The following FOXD4L1 variants were observed in gnomAD, a reference collection of about 807,000 sequenced individuals.
FOXD4L1 encodes the protein forkhead box D4 like 1, also known as forkhead box protein D4-like 1.
FOXD4L1 carries 10 observed loss-of-function variants against 24.8 expected under a neutral mutation model. That is an observed-to-expected ratio of 0.40 (90% CI 0.25 to 0.68). The LOEUF (loss-of-function observed/expected upper bound fraction) is 0.68, where lower values mean the gene tolerates loss of function less well. Ranked by LOEUF, FOXD4L1 falls within the 30% of genes least tolerant of loss-of-function variation. The pLI is 0.37. For missense variants in FOXD4L1, 364 were observed against 572.4 expected, an observed-to-expected ratio of 0.64 and a Z score of 3.72; for synonymous variants, 159 against 256.4, an observed-to-expected ratio of 0.62 and a Z score of 3.63.
exon 1 of FOXD4L1, chr2:113,500,627 C>T: frequency 1.4e-6 from 2 of 1,447,056 alleles, no homozygotes; most frequent in Non-Finnish European, 1.8e-6. Flanking sequence ...CTGCTCACTC[C>T]ACCTTGCGCG....
At chr2:113,499,343 C>T in exon 1 of FOXD4L1, 1 of 1,610,604 alleles carries the variant, frequency 6.2e-7, no homozygotes, top group Non-Finnish European at 8.5e-7. Context: ...AAATCGATGT[C>T]CTGGGAGAGG....
exon 1 of FOXD4L1, chr2:113,499,599 C>T: frequency 6.2e-7 from 1 of 1,611,606 alleles, no homozygotes; most frequent in Non-Finnish European, 8.5e-7. Flanking sequence ...GTACATCGCG[C>T]TCATCACCAT....
At chr2:113,499,684 A>G in exon 1 of FOXD4L1, 1 of 1,610,020 alleles carries the variant, frequency 6.2e-7, no homozygotes. Context: ...CGCTTCCCCT[A>G]CTACCGCCGC....
Position 113,500,329 on chromosome 2 carries a change from C to T in FOXD4L1, c.1073C>T (p.Pro358Leu), listed in dbSNP as rs1440755198. The T allele has an allele frequency of 2.6e-6, 4 of 1,521,514 alleles. 1 individual carries two copies. Among genetic ancestry groups the T allele is most frequent in the Admixed American group, 4.0e-5 (2 of 50,400 alleles). The allele number at this position is 1,521,514 out of a possible 1,614,324, so 94.3% of individuals were successfully genotyped here. ...AGCTACTGCCCCCTGCTCCAGCGAC[C>T]GTCAAGCCTGTCGGACAATTTTGCA... Residue 358 changes from proline to leucine, a missense_variant, in exon 1 of 1, where the codon CCG becomes CTG. Transcript: ENST00000306507.
exon 1 of FOXD4L1, chr2:113,500,167 C>T: frequency 6.5e-7 from 1 of 1,534,106 alleles, no homozygotes; most frequent in Non-Finnish European, 8.8e-7. Flanking sequence ...TCACTTGGTC[C>T]TCAGCCTTGG....
Position 113,500,356 on chromosome 2 carries a change from C to T in FOXD4L1, c.1100C>T (p.Ala367Val), listed in dbSNP as rs753466605. 7.9e-6 allele frequency: 12 copies of T among 1,519,994 alleles called. 3 individuals carry two copies. In the Admixed American group the frequency reaches 2.4e-4, roughly 30 times the overall value. 94.2% of individuals were successfully genotyped at this position (1,519,994 alleles called of 1,614,324 possible). Reference sequence around the variant, plus strand: ...TCAAGCCTGTCGGACAATTTTGCAGCAACAGCAGCAGCATCAGGAGGAGGA... The same window carrying T: ...TCAAGCCTGTCGGACAATTTTGCAGTAACAGCAGCAGCATCAGGAGGAGGA... The change falls in exon 1 of 1, where the codon GCA becomes GTA. Residue 367 changes from alanine to valine, a missense_variant. Transcript: ENST00000306507.
Position 113,499,380 on chromosome 2 carries a change from G to A in FOXD4L1, c.124G>A (p.Glu42Lys), listed in dbSNP as rs577424608. Residue 42 changes from glutamate to lysine, a missense_variant, in exon 1 of 1, where the codon GAG becomes AAG. Coordinates refer to ENST00000306507, the Ensembl canonical transcript of FOXD4L1. Reference sequence around the variant, plus strand: ...GGAAGATGAAGACGAGGTGGAAGACGAGGAGGAGGAGGCGAGCCAGAAGTT... The same window carrying A: ...GGAAGATGAAGACGAGGTGGAAGACAAGGAGGAGGAGGCGAGCCAGAAGTT... The A allele has an allele frequency of 5.0e-6, 8 of 1,610,134 alleles. No homozygotes were observed. The Admixed American group carries it at 1.3e-4, about 27-fold the overall frequency.
chr2:113,499,168 G>C (rs1682388662), exon 1 of FOXD4L1: 3 of 1,608,828 alleles, frequency 1.9e-6, no homozygotes, highest in Non-Finnish European at 2.5e-6. Flanking sequence ...CCTGCTTCTT[G>C]CAACATTCAT....
exon 1 of FOXD4L1, chr2:113,500,085 T>C: frequency 6.3e-7 from 1 of 1,580,672 alleles, no homozygotes; most frequent in Non-Finnish European, 8.5e-7. Context: ...GGCCCCCGCC[T>C]ATGCCGGGGC....
exon 1 of FOXD4L1, chr2:113,499,063 G>C (rs1682384264): frequency 1.1e-6 from 1 of 902,072 alleles, no homozygotes; most frequent in African/African-American, 1.7e-5. Flanking sequence ...TCTTGAAGAA[G>C]CTTTTATAAA....
exon 1 of FOXD4L1, chr2:113,499,983 C>A: frequency 6.5e-7 from 1 of 1,542,564 alleles, no homozygotes. Context: ...TGCCCTGCCG[C>A]AGCCAGTCCC....
exon 1 of FOXD4L1, chr2:113,499,850 G>T: frequency 2.5e-6 from 4 of 1,570,310 alleles, no homozygotes; most frequent in Non-Finnish European, 3.5e-6. Context: ...GCTTTCTCCG[G>T]CGTAGGAAGC....
chr2:113,499,239 T>G (rs1281686253), exon 1 of FOXD4L1: 1 of 1,611,582 alleles, frequency 6.2e-7, no homozygotes, highest in Non-Finnish European at 8.5e-7. Context: ...CCCCTGCGAC[T>G]GAAGCACCTG....
exon 1 of FOXD4L1, chr2:113,500,266 G>A: frequency 4.5e-6 from 7 of 1,550,044 alleles, no homozygotes; most frequent in Non-Finnish European, 6.1e-6. Context: ...AGGGGAGCGG[G>A]TACAGGGGCT....
rs565199934 is a variant in FOXD4L1 at position 113,500,636 on chromosome 2, C to T, written c.*153C>T. The T allele has an allele frequency of 3.5e-6, 5 of 1,440,694 alleles. 1 individual carries two copies. The East Asian group carries it at 9.3e-5, about 27-fold the overall frequency. The allele number at this position is 1,440,694 out of a possible 1,614,324, so 89.2% of individuals were successfully genotyped here. On this transcript the variant is annotated 3_prime_UTR_variant, in exon 1 of 1. Coordinates refer to ENST00000306507, the Ensembl canonical transcript of FOXD4L1. ...CCGCAGCTGCTCACTCCACCTTGCG[C>T]GGCCCATACTGGGCGTGTGCATCTG...
chr2:113,499,096 C>G, exon 1 of FOXD4L1: 1 of 1,297,668 alleles, frequency 7.7e-7, no homozygotes, highest in South Asian at 1.4e-5. Flanking sequence ...CTTTGCCGGA[C>G]GTTGTTGCAA....
Position 113,499,470 on chromosome 2 carries a change from G to T in FOXD4L1, c.214G>T (p.Glu72Ter). 6.4e-7 allele frequency: 1 copy of T among 1,556,718 alleles called. No individual in the cohort carries two copies. The highest frequency in any genetic ancestry group is 8.7e-7 in the Non-Finnish European group (1 of 1,146,072). ...GTGGGGCGGGGTTGCGCTTCCCCGA[G>T]AGCACATCGAGGGCGGCGGCCCGAG... The change falls in exon 1 of 1, where the codon GAG (glutamate) becomes TAG (stop). Residue 72 changes from glutamate (E) to a stop codon, truncating the protein, a stop_gained. Transcript: ENST00000306507. LOFTEE classifies it high-confidence loss of function.
Position 113,500,180 on chromosome 2 carries a change from G to A in FOXD4L1, c.924G>A (p.Glu308=), listed in dbSNP as rs200796766. 5.7e-4 allele frequency: 878 copies of A among 1,545,584 alleles called. 119 individuals carry two copies. The highest frequency in any genetic ancestry group is 7.2e-4 in the Non-Finnish European group (823 of 1,147,700). ...CCTCACTTGGTCCTCAGCCTTGGGA[G>A]GAGGGCAAGGGTCTGGCGTCGCCAC... The change falls in exon 1 of 1, where the codon GAG becomes GAA. Residue 308 remains glutamate, a synonymous_variant. Coordinates refer to ENST00000306507, the Ensembl canonical transcript of FOXD4L1.
chr2:113,500,760 T>C, exon 1 of FOXD4L1: 1 of 791,564 alleles, frequency 1.3e-6, no homozygotes, highest in East Asian at 4.0e-5. Context: ...GAACGTAACC[T>C]TCGCAGGGCG....
Sources: gnomAD v4.1 joint callset for allele counts on GRCh38, gnomAD v4.1.1 for gene constraint, MANE v1.5 for transcripts, NCBI Gene and HGNC (gene_info 2026-07-23, HGNC 2026-07-21) for gene names.